The following ZNF462 variants were observed in gnomAD, a reference collection of about 807,000 sequenced individuals.
ZNF462 encodes the protein zinc finger protein 462, also known as zinc finger PBX1-interacting protein.
A neutral mutation model predicts 201.9 loss-of-function variants in ZNF462; 10 were observed. The observed-to-expected ratio is 0.05, with a 90% CI of 0.03 to 0.08. The LOEUF (loss-of-function observed/expected upper bound fraction) is 0.08, where lower values mean the gene tolerates loss of function less well. ZNF462 is among the 10% of genes least tolerant of loss of function. The pLI is 1.00. For missense variants in ZNF462, 2,523 were observed against 3,168.3 expected, an observed-to-expected ratio of 0.80 and a Z score of 4.89; for synonymous variants, 1,227 against 1,193.3, an observed-to-expected ratio of 1.03 and a Z score of -0.58.
Position 106,925,544 on chromosome 9 carries a change from GCCA to G in ZNF462, c.1641_1643del (p.Pro554del), listed in dbSNP as rs754974115. ...CCTTGCAGCAGCAACAGCCACCGCA[GCCA>G]CCACCACCGCCGCCGCCACCACCAC... On this transcript the variant is annotated inframe_deletion, in exon 3 of 13. Transcript: ENST00000277225. The surrounding 1 kb of genome is among the most constrained non-coding windows in gnomAD (Gnocchi z 7.9). The G allele has an allele frequency of 1.9e-6, 3 of 1,613,032 alleles. No individual in the cohort carries two copies. The highest frequency in any genetic ancestry group is 2.2e-5 in the East Asian group (1 of 44,852).
In ZNF462 at chr9:107,003,913, C is replaced by A. The variant is rs772114345; in HGVS notation, c.7189+487C>A. 6.6e-6 allele frequency among the ~76,000 whole-genome samples: 1 copy of A among 152,120 alleles called. No homozygotes were observed. The highest frequency in any genetic ancestry group is 1.5e-5 in the Non-Finnish European group (1 of 68,016). The stretch of plus-strand genomic sequence containing the variant: ...CTCTGCGTGGCCCTTTTCTTAACCC[C>A]CTTTGTGCTCTGACTTGCTTTGTAA... On this transcript the variant is annotated intron_variant, in intron 11 of 12. Coordinates refer to ENST00000277225, the MANE Select transcript of ZNF462 (RefSeq NM_021224.6). This position sits in a 1 kb window ranked among gnomAD's most constrained non-coding sequence, Gnocchi z 4.4.
intron 1 of ZNF462, among the ~76,000 whole-genome samples, chr9:106,889,779 C>T (rs1828493930): frequency 6.6e-6 from 1 of 152,154 alleles, no homozygotes. Flanking sequence ...CAGTTGTCAA[C>T]AGGTCTAACA....
Position 106,972,046 on chromosome 9 carries a change from A to T in ZNF462, c.6469A>T (p.Asn2157Tyr). 1 of 1,614,156 alleles carries T rather than the reference A, an allele frequency of 6.2e-7. No individual in the cohort carries two copies. The highest frequency in any genetic ancestry group is 8.5e-7 in the Non-Finnish European group (1 of 1,180,020). Residue 2157 changes from asparagine (N) to tyrosine (Y), a missense_variant, in exon 8 of 13, where the codon AAC becomes TAC. Asn to Tyr is a moderately radical substitution (Grantham distance 143). Around this residue, in one of 15 missense-constraint regions of ZNF462, gnomAD observed 138 missense variants for 146.3 expected, o/e 0.94. Coordinates refer to ENST00000277225, the MANE Select transcript of ZNF462 (RefSeq NM_021224.6). The surrounding 1 kb of genome is among the most constrained non-coding windows in gnomAD (Gnocchi z 4.8). The stretch of plus-strand genomic sequence containing the variant: ...GCCCCCAGATGTTCAGCAGCAGTTG[A>T]ACCACTATCAGTCAGCTGCCCTGGC... ...SEPPDVQQQL[N>Y]HYQSAALARN...
At position 106,981,690 on chromosome 9, in the gene ZNF462, G is replaced by A. The variant is rs1353918044; in HGVS notation, c.6833-2496G>A. ...TGTAAAATTCACTTAGACACACATA[G>A]TGAAATTGGAAACTGCAAAGAAAAC... On this transcript the variant is annotated intron_variant, in intron 9 of 12. Coordinates refer to ENST00000277225, the MANE Select transcript of ZNF462 (RefSeq NM_021224.6). This position sits in a 1 kb window ranked among gnomAD's most constrained non-coding sequence, Gnocchi z 4.0. Among the ~76,000 whole-genome samples, 2 of 152,186 alleles carry A rather than the reference G, an allele frequency of 1.3e-5. No individual in the cohort carries two copies. The highest frequency in any genetic ancestry group is 4.8e-5 in the African/African-American group (2 of 41,448).
chr9:106,944,708 C>G (rs928990741), intron 7 of ZNF462, among the ~76,000 whole-genome samples: 3 of 152,084 alleles, frequency 2.0e-5, no homozygotes, highest in African/African-American at 7.2e-5. Context: ...TATTTACCAC[C>G]CTAATGCCCT....
Position 106,923,535 on chromosome 9 carries a change from C to G in ZNF462, c.152C>G (p.Ala51Gly), listed in dbSNP as rs150161525. ...GAGCTACGATGTGGGTCCGTGAATG[C>G]CAGTAATCAGACAGAGGTGGAGTTT... ...VNELRCGSVNASNQTEVEFSS... is the reference protein window; with the variant it reads ...VNELRCGSVNGSNQTEVEFSS... Residue 51 changes from alanine (A) to glycine (G), a missense_variant, in exon 2 of 13, where the codon GCC becomes GGC. Coordinates refer to ENST00000277225, the MANE Select transcript of ZNF462 (RefSeq NM_021224.6). The surrounding 1 kb of genome is among the most constrained non-coding windows in gnomAD (Gnocchi z 5.6). 1 of 1,614,174 alleles carries G rather than the reference C, an allele frequency of 6.2e-7. No homozygotes were observed. The highest frequency in any genetic ancestry group is 1.7e-5 in the Admixed American group (1 of 60,020).
rs186169121 is a variant in ZNF462, at chr9:106,932,731, C to T, written c.6116+182C>T. On this transcript the variant is annotated intron_variant, in intron 5 of 12. Transcript: ENST00000277225. The surrounding 1 kb of genome is among the most constrained non-coding windows in gnomAD (Gnocchi z 6.8). ...ATGGGGCTGAGAACAGGAGATTGAT[C>T]GGATGGCGTTAGATTTGGCAAATGC... 134 of 729,168 alleles carry T rather than the reference C, an allele frequency of 1.8e-4. No individual in the cohort carries two copies. The African/African-American group carries it at 1.9e-3, about 11-fold the overall frequency. The allele number at this position is 729,168 out of a possible 1,614,324, so 45.2% of individuals were successfully genotyped here. A position where few individuals can be genotyped will look rare whatever the true frequency, so the allele number is the denominator to read the frequency against.
rs1204814131 is a variant in ZNF462, at chr9:106,929,472, C to T, written c.5560C>T (p.Leu1854=). 5 of 1,614,050 alleles carry T rather than the reference C, an allele frequency of 3.1e-6. No homozygotes were observed. Among genetic ancestry groups the T allele is most frequent in the Middle Eastern group, 1.6e-4 (1 of 6,084 alleles). The change falls in exon 3 of 13, where the codon CTG becomes TTG. Residue 1854 remains leucine, a synonymous_variant. Coordinates refer to ENST00000277225, the MANE Select transcript of ZNF462 (RefSeq NM_021224.6). This position sits in a 1 kb window ranked among gnomAD's most constrained non-coding sequence, Gnocchi z 8.7. Reference sequence around the variant, plus strand: ...ATTCCGCTGCATCAAATGCTTCAAGCTGTCCTTTAGCACTGCAGAGCTGCT... The same window carrying T: ...ATTCCGCTGCATCAAATGCTTCAAGTTGTCCTTTAGCACTGCAGAGCTGCT... ...LPFRCIKCFK[L]SFSTAELLCM... is the part of the protein sequence containing the mutation.
At chr9:106,896,457 GGC>G (rs767626406) in intron 1 of ZNF462, among the ~76,000 whole-genome samples, 7 of 152,156 alleles carry the variant, frequency 4.6e-5, no homozygotes, top group Non-Finnish European at 8.8e-5. Context: ...TCAACCTCAT[GGC>G]GTCTCAGATT....
upstream of ZNF462, chr9:106,863,064 AAGAGGAGAGAG>A (rs1827124765): frequency 1.0e-5 from 4 of 390,104 alleles, no homozygotes; most frequent in African/African-American, 2.1e-5. Flanking sequence ...GAGGAGAGAG[AAGAGGAGAGAG>A]AGGGGAGAGA....
At chr9:106,973,716 T>TC (rs60685747) in intron 8 of ZNF462, among the ~76,000 whole-genome samples, 1 of 151,736 alleles carries the variant, frequency 6.6e-6, no homozygotes, top group African/African-American at 2.4e-5. Flanking sequence ...CAACTTGTCC[T>TC]CCCCCCCTTA....
rs142378254 is a variant in ZNF462 at position 106,984,193 on chromosome 9, T to C, written c.6840T>C (p.Arg2280=). 161 of 1,613,698 alleles carry C rather than the reference T, an allele frequency of 1.0e-4. No homozygotes were observed. The African/African-American group carries it at 2.0e-3, about 20-fold the overall frequency. ...IDHIVLHREE[R]VVPIEVCRSK... ...TTCAATTTGTTTCCACAGAAGAGCG[T>C]GTTGTCCCCATTGAAGTTTGCCGGT... Residue 2280 remains arginine (R), a synonymous_variant, in exon 10 of 13, where the codon CGT becomes CGC. Transcript: ENST00000277225. This position sits in a 1 kb window ranked among gnomAD's most constrained non-coding sequence, Gnocchi z 6.4.
intron 7 of ZNF462, among the ~76,000 whole-genome samples, chr9:106,948,532 A>G (rs191793842): frequency 7.9e-5 from 12 of 152,218 alleles, no homozygotes; most frequent in Non-Finnish European, 1.6e-4. Flanking sequence ...ATGGCAATAC[A>G]TAATAAAATG....
Position 106,925,121 on chromosome 9 carries a change from T to C in ZNF462, c.1209T>C (p.Ala403=), listed in dbSNP as rs373611922. The C allele has an allele frequency of 8.1e-6, 13 of 1,614,102 alleles. No individual in the cohort carries two copies. The highest frequency in any genetic ancestry group is 1.6e-4 in the Middle Eastern group (1 of 6,084). ...TAGACAGTGAGAATGGTTTAAGTGC[T>C]ATGGATCACCAGACATCAGGCCTGT... The part of the protein sequence containing the change: ...NEIDSENGLS[A]MDHQTSGLSA... Residue 403 remains alanine (A), a synonymous_variant, in exon 3 of 13, where the codon GCT becomes GCC. Transcript: ENST00000277225. This position sits in a 1 kb window ranked among gnomAD's most constrained non-coding sequence, Gnocchi z 7.9.
chr9:106,938,892 T>A lies in ZNF462; in HGVS notation c.6236-24T>A. ...CTTCTCCCCTCTTTTTCCTGTTCTA[T>A]TTCTTGTCACCATCCTCTTCCAGGT... On this transcript the variant is annotated intron_variant, in intron 6 of 12. Transcript: ENST00000277225. This position sits in a 1 kb window ranked among gnomAD's most constrained non-coding sequence, Gnocchi z 4.4. 1 of 1,582,438 alleles carries A rather than the reference T, an allele frequency of 6.3e-7. No individual in the cohort carries two copies. Among genetic ancestry groups the A allele is most frequent in the Non-Finnish European group, 8.6e-7 (1 of 1,163,912 alleles).
chr9:106,926,250 G>A lies in ZNF462; in HGVS notation c.2338G>A (p.Asp780Asn), dbSNP rs763420943. ...GCCCAACTTCAGAAACATCACCCAC[G>A]ATTACAATGCCACCAATGGGGCTGA... Reference protein sequence around the residue: ...KEPNFRNITHDYNATNGAEIE... With the variant: ...KEPNFRNITHNYNATNGAEIE... The change falls in exon 3 of 13, where the codon GAT becomes AAT. Residue 780 changes from aspartate to asparagine, a missense_variant. Asp to Asn is a conservative substitution (Grantham distance 23). This residue lies in a region of ZNF462 where 383 missense variants were observed against 453.4 expected (regional missense o/e 0.84). Transcript: ENST00000277225. The surrounding 1 kb of genome is among the most constrained non-coding windows in gnomAD (Gnocchi z 7.9). 4.3e-6 allele frequency: 7 copies of A among 1,614,160 alleles called. No homozygotes were observed. Among genetic ancestry groups the A allele is most frequent in the Non-Finnish European group, 5.9e-6 (7 of 1,180,042 alleles).
chr9:106,997,207 C>T lies in ZNF462; in HGVS notation c.7057-6087C>T, dbSNP rs183916382. Among the ~76,000 whole-genome samples, 3 of 152,052 alleles carry T rather than the reference C, an allele frequency of 2.0e-5. No homozygotes were observed. In the East Asian group the frequency reaches 5.8e-4, roughly 29 times the overall value. On this transcript the variant is annotated intron_variant, in intron 10 of 12. Transcript: ENST00000277225. Reference sequence around the variant, plus strand: ...TTGATATATGTGAAGAAAAGGGGAACCCTTGTGCACTGTTGATAGGAATGT... The same window carrying T: ...TTGATATATGTGAAGAAAAGGGGAATCCTTGTGCACTGTTGATAGGAATGT...
Position 106,954,604 on chromosome 9 carries a change from C to G in ZNF462, c.6427+15497C>G, listed in dbSNP as rs1291005575. On this transcript the variant is annotated intron_variant, in intron 7 of 12. Coordinates refer to ENST00000277225, the MANE Select transcript of ZNF462 (RefSeq NM_021224.6). The surrounding 1 kb of genome is among the most constrained non-coding windows in gnomAD (Gnocchi z 4.0). ...TGCCTCATTCTCCCTATATTCTAGC[C>G]TAACTGGAATGAGCATCTCTCTCCT... is the stretch of plus-strand genomic sequence containing the variant. 6.6e-6 allele frequency among the ~76,000 whole-genome samples: 1 copy of G among 151,996 alleles called. No individual in the cohort carries two copies. Among genetic ancestry groups the G allele is most frequent in the Non-Finnish European group, 1.5e-5 (1 of 67,996 alleles).
intron 9 of ZNF462, among the ~76,000 whole-genome samples, chr9:106,983,918 C>T (rs1334567630): frequency 1.3e-5 from 2 of 152,170 alleles, no homozygotes; most frequent in Admixed American, 6.5e-5. Flanking sequence ...AATTAGCAAG[C>T]ACCTACTAGC....
Sources: gnomAD v4.1 joint callset for allele counts (sites outside exome capture counted in the v4.1 genomes callset) on GRCh38, gnomAD v4.1.1 for gene constraint, gnomAD v4.1.1 regional missense constraint, Gnocchi (gnomAD v3.1) non-coding constraint, MANE v1.5 for transcripts, NCBI Gene and HGNC (gene_info 2026-07-23, HGNC 2026-07-21) for gene names.